The following TMEM171 variants were observed in gnomAD, a reference collection of about 807,000 sequenced individuals.
TMEM171 encodes proline-rich protein PRP2.
In TMEM171, 16 loss-of-function variants were observed where a neutral mutation model predicts 19.1. That is an observed-to-expected ratio of 0.84 (90% CI 0.57 to 1.27). The LOEUF (loss-of-function observed/expected upper bound fraction) is 1.27, where lower values mean the gene tolerates loss of function less well. Ranked by LOEUF, TMEM171 falls within the 50% of genes most tolerant of loss-of-function variation. The probability of loss-of-function intolerance (pLI) is 0.00; values close to 1 mark genes in which losing one functional copy is unlikely to be tolerated. For missense variants in TMEM171, 429 were observed against 412.7 expected, an observed-to-expected ratio of 1.04 and a Z score of -0.34; for synonymous variants, 153 against 163.4, an observed-to-expected ratio of 0.94 and a Z score of 0.48.
At chr5:73,128,572 A>G in intron 3 of TMEM171, 41 bp downstream of exon 3, 7 of 1,610,098 alleles carry the variant, frequency 4.3e-6, no homozygotes, top group Non-Finnish European at 5.9e-6. Context: ...GCCTGAATTC[A>G]GGCCACACTA....
chr5:73,123,818 G>A lies in TMEM171; in HGVS notation c.445G>A (p.Asp149Asn). ...GGCGCAGGAACCGCTAAACGAGACA[G>A]ACACTGGCGACTCAGAGCCCCGGAT... ...NWAQEPLNET[D>N]TGDSEPRMCG... The change falls in exon 2 of 4, where the codon GAC becomes AAC. Residue 149 changes from aspartate to asparagine, a missense_variant. Physicochemically the swap from Asp to Asn is conservative, Grantham distance 23. Coordinates refer to ENST00000454765, the MANE Select transcript of TMEM171 (RefSeq NM_173490.8). 1 of 1,612,790 alleles carries A rather than the reference G, an allele frequency of 6.2e-7. No homozygotes were observed. The highest frequency in any genetic ancestry group is 1.3e-5 in the African/African-American group (1 of 74,976).
intron 2 of TMEM171, among the ~76,000 whole-genome samples, chr5:73,126,981 T>A (rs1744178789): frequency 6.6e-6 from 1 of 152,108 alleles, no homozygotes; most frequent in East Asian, 1.9e-4. Context: ...CCTCAAAACA[T>A]GAGGATGTAT....
At position 73,128,356 on chromosome 5, in the gene TMEM171, C is replaced by T. The variant is rs774940692; in HGVS notation, c.641-34C>T. ...TGCTAATTTGCTTCCATTTATTACC[C>T]ACCTGTTGTCAACTAAATATTGTTT... is the stretch of plus-strand genomic sequence containing the variant. On this transcript the variant is annotated intron_variant, in intron 2 of 3. Transcript: ENST00000454765. 11 of 1,600,602 alleles carry T rather than the reference C, an allele frequency of 6.9e-6. No homozygotes were observed. In the East Asian group the frequency reaches 1.1e-4, roughly 16 times the overall value.
At chr5:73,120,840 C>T (rs1743988876) in intron 1 of TMEM171, 144 bp downstream of exon 1, 3 of 763,316 alleles carry the variant, frequency 3.9e-6, no homozygotes, top group Non-Finnish European at 4.8e-6. Flanking sequence ...GCCCCTCCGG[C>T]TGTTGCTTGC....
chr5:73,127,384 A>ATAT (rs1554078607), intron 2 of TMEM171, among the ~76,000 whole-genome samples: 2,355 of 81,570 alleles, frequency 0.029, 95 homozygotes, highest in Admixed American at 0.098. Flanking sequence ...AAAAAAAAAA[A>ATAT]ATATATATAT....
At position 73,123,663 on chromosome 5, in the gene TMEM171, C is replaced by G; in HGVS notation, c.290C>G (p.Pro97Arg). ...CTGCAGAGAGGTCAGCAGATGGACC[C>G]CGACCGAGCCTTCATCTGTGGAGAG... ...AGLQRGQQMD[P>R]DRAFICGESR... The change falls in exon 2 of 4, where the codon CCC becomes CGC. Residue 97 changes from proline (P) to arginine (R), a missense_variant. Physicochemically the swap from Pro to Arg is moderately radical, Grantham distance 103 (BLOSUM62 -2). Coordinates refer to ENST00000454765, the MANE Select transcript of TMEM171 (RefSeq NM_173490.8). 6.2e-7 allele frequency: 1 copy of G among 1,614,214 alleles called. No homozygotes were observed. The highest frequency in any genetic ancestry group is 8.5e-7 in the Non-Finnish European group (1 of 1,180,032).
intron 3 of TMEM171, 47 bp from the exon 4 acceptor site, chr5:73,131,491 C>T: frequency 6.9e-7 from 1 of 1,455,162 alleles, no homozygotes; most frequent in Non-Finnish European, 9.2e-7. Context: ...AAAGGGGTGT[C>T]ACTGTTTTCA....
At position 73,123,667 on chromosome 5, in the gene TMEM171, C is replaced by A; in HGVS notation, c.294C>A (p.Asp98Glu). 6.2e-7 allele frequency: 1 copy of A among 1,614,242 alleles called. No homozygotes were observed. Among genetic ancestry groups the A allele is most frequent in the Admixed American group, 1.7e-5 (1 of 60,034 alleles). ...AGAGAGGTCAGCAGATGGACCCCGA[C>A]CGAGCCTTCATCTGTGGAGAGAGCC... ...GLQRGQQMDP[D>E]RAFICGESRQ... Residue 98 changes from aspartate to glutamate, a missense_variant, in exon 2 of 4, where the codon GAC becomes GAA. Asp to Glu is a conservative substitution (Grantham distance 45). Transcript: ENST00000454765.
intron 2 of TMEM171, among the ~76,000 whole-genome samples, chr5:73,127,654 A>G (rs993606025): frequency 8.6e-5 from 13 of 151,290 alleles, no homozygotes; most frequent in Non-Finnish European, 1.9e-4. Flanking sequence ...CGTGTTGGCC[A>G]GGCTGGTCTT....
intron 3 of TMEM171, 37 bp from the exon 4 acceptor site, chr5:73,131,501 A>ATG (rs1744354135): frequency 6.6e-7 from 1 of 1,518,822 alleles, no homozygotes. Flanking sequence ...CACTGTTTTC[A>ATG]TCCCCTCCCC....
chr5:73,126,583 T>C (rs1251607448), intron 2 of TMEM171, among the ~76,000 whole-genome samples: 2 of 152,248 alleles, frequency 1.3e-5, no homozygotes, highest in Non-Finnish European at 2.9e-5. Context: ...CTGTGTTCAC[T>C]GCCAGATGCA....
At position 73,123,353 on chromosome 5, in the gene TMEM171, G is replaced by A. The variant is rs548427982; in HGVS notation, c.-21G>A. The A allele has an allele frequency of 4.4e-6, 7 of 1,587,048 alleles. No individual in the cohort carries two copies. The highest frequency in any genetic ancestry group is 4.5e-5 in the East Asian group (2 of 44,388). ...AGAAAACACATCCCACCCTGCCTCC[G>A]GGAAGGGGCCTCTCCTGGACATGTC... On this transcript the variant is annotated 5_prime_UTR_variant, in exon 2 of 4. Coordinates refer to ENST00000454765, the MANE Select transcript of TMEM171 (RefSeq NM_173490.8).
In TMEM171 at chr5:73,128,404, A is replaced by G. The variant is rs1337572005; in HGVS notation, c.655A>G (p.Ile219Val). 1 of 1,614,036 alleles carries G rather than the reference A, an allele frequency of 6.2e-7. No homozygotes were observed. Among genetic ancestry groups the G allele is most frequent in the Non-Finnish European group, 8.5e-7 (1 of 1,180,026 alleles). ...VQVTVGDSVI[I>V]FPPPPPPYFP... is the part of the protein sequence containing the mutation. Reference sequence around the variant, plus strand: ...TTTTGCCTTAGGTGACTCGGTAATAATATTTCCACCCCCTCCACCACCTTA... The same window carrying G: ...TTTTGCCTTAGGTGACTCGGTAATAGTATTTCCACCCCCTCCACCACCTTA... Residue 219 changes from isoleucine (I) to valine (V), a missense_variant, in exon 3 of 4, where the codon ATA (isoleucine) becomes GTA (valine). Ile to Val is a conservative substitution (Grantham distance 29, BLOSUM62 3). Coordinates refer to ENST00000454765, the MANE Select transcript of TMEM171 (RefSeq NM_173490.8).
intron 3 of TMEM171, among the ~76,000 whole-genome samples, chr5:73,129,868 C>T (rs1160702708): frequency 1.3e-5 from 2 of 152,200 alleles, no homozygotes; most frequent in Non-Finnish European, 2.9e-5. Context: ...CTTCAATATT[C>T]GCTCCTTCCC....
At chr5:73,127,380 AAAAAATAT>A (rs1428776752) in intron 2 of TMEM171, among the ~76,000 whole-genome samples, 5 of 61,472 alleles carry the variant, frequency 8.1e-5, no homozygotes, top group South Asian at 6.0e-4. Context: ...AAAAAAAAAA[AAAAAATAT>A]ATATATATAT....
At position 73,123,296 on chromosome 5, in the gene TMEM171, G is replaced by A. The variant is rs1278453692; in HGVS notation, c.-68-10G>A. ...GCCCACGTTAATTTGGTGTTTGGTT[G>A]TGTTTGCAGAGCTGCTGAAATCTTG... On this transcript the variant is annotated splice_polypyrimidine_tract_variant and intron_variant, in intron 1 of 3. Coordinates refer to ENST00000454765, the MANE Select transcript of TMEM171 (RefSeq NM_173490.8). 1 of 1,525,328 alleles carries A rather than the reference G, an allele frequency of 6.6e-7. No individual in the cohort carries two copies. The highest frequency in any genetic ancestry group is 8.8e-7 in the Non-Finnish European group (1 of 1,136,660). 94.5% of individuals were successfully genotyped at this position (1,525,328 alleles called of 1,614,324 possible). A position where few individuals can be genotyped will look rare whatever the true frequency, so the allele number is the denominator to read the frequency against.
chr5:73,123,185 TG>T, intron 1 of TMEM171, 120 bp from the exon 2 acceptor site: 1 of 735,982 alleles, frequency 1.4e-6, no homozygotes, highest in Non-Finnish European at 2.1e-6. Context: ...GCTTATCAGT[TG>T]TATAAAGTTC....
chr5:73,123,443 T>C lies in TMEM171; in HGVS notation c.70T>C (p.Cys24Arg). ...QDRHVSKLIFCFFVFGAVLLC... is the reference protein window; with the variant it reads ...QDRHVSKLIFRFFVFGAVLLC... ...CAGACACGTCAGCAAACTCATCTTC[T>C]GCTTCTTTGTCTTCGGCGCCGTCTT... is the stretch of plus-strand genomic sequence containing the variant. Residue 24 changes from cysteine (C) to arginine (R), a missense_variant, in exon 2 of 4, where the codon TGC becomes CGC. By Grantham distance (180) the Cys-to-Arg change is radical. Coordinates refer to ENST00000454765, the MANE Select transcript of TMEM171 (RefSeq NM_173490.8). The C allele has an allele frequency of 1.2e-6, 2 of 1,614,174 alleles. No individual in the cohort carries two copies. Among genetic ancestry groups the C allele is most frequent in the Non-Finnish European group, 1.7e-6 (2 of 1,180,020 alleles).
chr5:73,127,407 A>ATATATATATATATATAT (rs1364234564), intron 2 of TMEM171, among the ~76,000 whole-genome samples: 16 of 137,048 alleles, frequency 1.2e-4, no homozygotes, highest in African/African-American at 2.8e-4. Context: ...ATATATATAT[A>ATATATATATATATATAT]AAGCATAAAC....
Sources: allele counts gnomAD v4.1 joint callset (sites outside exome capture counted in the v4.1 genomes callset), GRCh38; gene constraint gnomAD v4.1.1; transcripts MANE v1.5; gene names NCBI Gene and HGNC (gene_info 2026-07-23, HGNC 2026-07-21).